Variants in CBFA2T3 observed in about 807,000 individuals in gnomAD.
CBFA2T3 encodes the protein CBFA2/RUNX1 partner transcriptional co-repressor 3, also known as transcriptional corepressor CBFA2T3.
Under a neutral mutation model 58.6 loss-of-function variants are expected in CBFA2T3, and 31 were observed. The ratio of observed to expected loss-of-function variants is 0.53; its 90% CI spans 0.40 to 0.71. CBFA2T3 has a LOEUF of 0.71. Among genes scored for constraint, CBFA2T3 ranks in the 30% least tolerant of loss-of-function variants. The pLI, the probability that CBFA2T3 is intolerant of heterozygous loss-of-function variation, is 0.00. For synonymous variants in CBFA2T3, 531 were observed against 421.9 expected (o/e 1.26, Z -3.17); for missense variants, 1,076 against 963.1 (o/e 1.12, Z -1.55).
chr16:88,900,213 G>A (rs1298455953), intron 2 of CBFA2T3, among the ~76,000 whole-genome samples: 19 of 152,250 alleles, frequency 1.2e-4, no homozygotes, highest in Non-Finnish European at 1.0e-4. Flanking sequence ...ACTGAGTGCC[G>A]GGCACATTTC....
chr16:88,903,638 T>C (rs992804657), intron 1 of CBFA2T3, among the ~76,000 whole-genome samples: 2 of 112,898 alleles, frequency 1.8e-5, no homozygotes, highest in African/African-American at 6.8e-5. Context: ...AGGGTGTTCC[T>C]GTGGTGGGGG....
chr16:88,888,920 G>A (rs986395056), intron 5 of CBFA2T3, among the ~76,000 whole-genome samples: 6 of 151,974 alleles, frequency 3.9e-5, no homozygotes, highest in Non-Finnish European at 5.9e-5. Context: ...GAGCCGGGCC[G>A]CGGGCGGCAC....
At chr16:88,909,719 C>A (rs1970467266) in intron 1 of CBFA2T3, among the ~76,000 whole-genome samples, 1 of 152,182 alleles carries the variant, frequency 6.6e-6, no homozygotes, top group South Asian at 2.1e-4. Flanking sequence ...GGCCGCCCTC[C>A]CGCCTCCTCA....
intron 5 of CBFA2T3, among the ~76,000 whole-genome samples, chr16:88,889,219 G>C (rs1355869724): frequency 6.6e-6 from 1 of 151,410 alleles, no homozygotes; most frequent in African/African-American, 2.4e-5. Flanking sequence ...TGCCACTCCA[G>C]AAGCTTCTCT....
chr16:88,903,999 A>G (rs1359519344), intron 1 of CBFA2T3, among the ~76,000 whole-genome samples: 1 of 152,212 alleles, frequency 6.6e-6, no homozygotes, highest in Admixed American at 6.5e-5. Flanking sequence ...GACATGCCAC[A>G]TTTCCTAAGG....
rs1247378970 is a variant in CBFA2T3 at position 88,894,382 on chromosome 16, TACACACATGCAC to T, written c.380-1909_380-1898del. 2.8e-4 allele frequency among the ~76,000 whole-genome samples: 29 copies of T among 102,874 alleles called. 1 individual carries two copies. Among genetic ancestry groups the T allele is most frequent in the Admixed American group, 7.0e-4 (7 of 9,954 alleles). The allele number at this position is 102,874 out of a possible 152,430, so 67.5% of individuals were successfully genotyped here. A position where few individuals can be genotyped will look rare whatever the true frequency, so the allele number is the denominator to read the frequency against. Reference sequence around the variant, plus strand: ...CATACATATACACATGCACACAATGTACACACATGCACACACACATGCACACACACATGCATA... The same window carrying T: ...CATACATATACACATGCACACAATGTACACACATGCACACACACATGCATA... On this transcript the variant is annotated intron_variant, in intron 3 of 11. Transcript: ENST00000268679.
At chr16:88,946,084 G>C (rs936705621) in intron 1 of CBFA2T3, among the ~76,000 whole-genome samples, 2 of 152,100 alleles carry the variant, frequency 1.3e-5, no homozygotes, top group South Asian at 4.1e-4. Flanking sequence ...GAAGGGGGCG[G>C]ATCACCTGAG....
At chr16:88,957,230 G>A (rs775039224) in intron 1 of CBFA2T3, among the ~76,000 whole-genome samples, 1 of 152,218 alleles carries the variant, frequency 6.6e-6, no homozygotes, top group Admixed American at 6.5e-5. Flanking sequence ...GCTGCCGGTG[G>A]TTCTAACCTC....
At chr16:88,898,774 G>A (rs1355508247) in intron 2 of CBFA2T3, among the ~76,000 whole-genome samples, 1 of 152,218 alleles carries the variant, frequency 6.6e-6, no homozygotes, top group African/African-American at 2.4e-5. Context: ...TGTAATCCCA[G>A]CACTTTGGGA....
intron 1 of CBFA2T3, among the ~76,000 whole-genome samples, chr16:88,908,695 C>G (rs765541439): frequency 6.6e-6 from 1 of 152,254 alleles, no homozygotes; most frequent in Non-Finnish European, 1.5e-5. Flanking sequence ...CGGCCTTCCC[C>G]GCCTCGTACC....
chr16:88,967,895 C>A (rs1972556169), intron 1 of CBFA2T3, among the ~76,000 whole-genome samples: 1 of 152,266 alleles, frequency 6.6e-6, no homozygotes, highest in South Asian at 2.1e-4. Flanking sequence ...GCCCACCCTC[C>A]CTTGCAGCCA....
chr16:88,953,176 G>A lies in CBFA2T3; in HGVS notation c.151+23481C>T, dbSNP rs537215468. Among the ~76,000 whole-genome samples the A allele has an allele frequency of 6.6e-6, 1 of 152,260 alleles. No individual in the cohort carries two copies. The highest frequency in any genetic ancestry group is 2.1e-4 in the South Asian group (1 of 4,816). On this transcript the variant is annotated intron_variant, in intron 1 of 11. Coordinates refer to ENST00000268679, the MANE Select transcript of CBFA2T3 (RefSeq NM_005187.6). This position sits in a 1 kb window ranked among gnomAD's most constrained non-coding sequence, Gnocchi z 4.9. ...AATGAGGAGTGCCGTGCCTGGGCTG[G>A]GCCATCGCCTCTCTCCCTCGGCTGG...
intron 9 of CBFA2T3, chr16:88,881,029 T>C: frequency 1.4e-6 from 1 of 699,438 alleles, no homozygotes; most frequent in South Asian, 1.5e-5. Context: ...GGGCCTCTCC[T>C]GTGTCAGCAT....
intron 1 of CBFA2T3, chr16:88,902,620 G>A (rs2142646063): frequency 6.6e-6 from 1 of 151,826 alleles, no homozygotes; most frequent in Middle Eastern, 3.4e-3. Flanking sequence ...CGAGACACCA[G>A]GAGGCCAAGC....
intron 1 of CBFA2T3, among the ~76,000 whole-genome samples, chr16:88,928,440 T>C (rs1213596680): frequency 2.6e-5 from 4 of 152,188 alleles, no homozygotes; most frequent in Admixed American, 1.3e-4. Flanking sequence ...GCGAGACCCA[T>C]GATCAAGCCC....
intron 3 of CBFA2T3, among the ~76,000 whole-genome samples, chr16:88,892,832 C>T (rs942106349): frequency 3.3e-5 from 5 of 152,196 alleles, no homozygotes; most frequent in African/African-American, 7.2e-5. Context: ...TGGTGGTGGC[C>T]GTGGAATGAC....
Position 88,976,700 on chromosome 16 carries a change from A to G in CBFA2T3, c.108T>C (p.Ser36=), listed in dbSNP as rs772892817. 24 of 1,560,358 alleles carry G rather than the reference A, an allele frequency of 1.5e-5. No individual in the cohort carries two copies. The highest frequency in any genetic ancestry group is 1.8e-5 in the Non-Finnish European group (21 of 1,152,306). Residue 36 remains serine (S), a synonymous_variant, in exon 1 of 12, where the codon TCT becomes TCC. Transcript: ENST00000268679. The part of the protein sequence containing the change: ...HPVLESGLLA[S]AGCSAPRGPR... Reference sequence around the variant, plus strand: ...GACCCCGGGGTGCGGAGCAGCCGGCAGATGCCAGGAGGCCGCTCTCCAGCA... The same window carrying G: ...GACCCCGGGGTGCGGAGCAGCCGGCGGATGCCAGGAGGCCGCTCTCCAGCA...
intron 3 of CBFA2T3, among the ~76,000 whole-genome samples, chr16:88,895,299 C>G (rs947730242): frequency 6.6e-6 from 1 of 152,202 alleles, no homozygotes; most frequent in African/African-American, 2.4e-5. Context: ...TCAGCTTCCT[C>G]CACTCCGCCT....
intron 1 of CBFA2T3, among the ~76,000 whole-genome samples, chr16:88,918,942 G>A (rs7189528): frequency 0.011 from 1,665 of 152,340 alleles, 34 homozygotes; most frequent in African/African-American, 0.038. Flanking sequence ...ACTTCTCTTA[G>A]AAGCAAAATT....
Sources: allele counts gnomAD v4.1 joint callset (sites outside exome capture counted in the v4.1 genomes callset), GRCh38; gene constraint gnomAD v4.1.1; non-coding constraint Gnocchi (gnomAD v3.1); transcripts MANE v1.5; gene names NCBI Gene and HGNC (gene_info 2026-07-23, HGNC 2026-07-21).